Variants in NPAS3 observed in about 807,000 individuals in gnomAD.
NPAS3 encodes neuronal PAS domain protein 3.
Under a neutral mutation model 73.1 loss-of-function variants are expected in NPAS3, and 14 were observed. The observed-to-expected ratio is 0.19, with a 90% CI of 0.13 to 0.30. NPAS3 has a LOEUF of 0.30. Ranked by LOEUF, NPAS3 falls within the 10% of genes least tolerant of loss-of-function variation. The pLI is 1.00. For synonymous variants in NPAS3, 620 were observed against 541.5 expected (o/e 1.14, Z -2.01); for missense variants, 1,096 against 1,250.0 (o/e 0.88, Z 1.86).
At chr14:33,751,785 T>C (rs2061970804) in intron 7 of NPAS3, among the ~76,000 whole-genome samples, 1 of 152,212 alleles carries the variant, frequency 6.6e-6, no homozygotes, top group South Asian at 2.1e-4. Context: ...TATAGCAACC[T>C]TTGTAAACAG....
At chr14:33,170,245 T>C (rs115482434) in intron 2 of NPAS3, among the ~76,000 whole-genome samples, 2,242 of 152,290 alleles carry the variant, frequency 0.015, 50 homozygotes, top group African/African-American at 0.051. Flanking sequence ...ATATTAACAT[T>C]ATGCTGTAGT....
intron 2 of NPAS3, among the ~76,000 whole-genome samples, chr14:33,078,385 G>A (rs1406803137): frequency 6.6e-6 from 1 of 152,062 alleles, no homozygotes; most frequent in Non-Finnish European, 1.5e-5. Context: ...TCTGGGTTTG[G>A]AGAATGCATT....
chr14:33,035,543 CTTG>C (rs1267355753), intron 1 of NPAS3, among the ~76,000 whole-genome samples: 2 of 152,258 alleles, frequency 1.3e-5, no homozygotes, highest in East Asian at 1.9e-4. Context: ...TCAGTAAATA[CTTG>C]TTGTTTATTT....
intron 2 of NPAS3, among the ~76,000 whole-genome samples, chr14:33,141,663 A>C (rs560551124): frequency 1.3e-5 from 2 of 152,326 alleles, no homozygotes; most frequent in East Asian, 3.9e-4. Flanking sequence ...TGGATATACT[A>C]TAATCCTCTA....
At chr14:33,437,097 C>T (rs1270173188) in intron 4 of NPAS3, among the ~76,000 whole-genome samples, 1 of 152,200 alleles carries the variant, frequency 6.6e-6, no homozygotes, top group African/African-American at 2.4e-5. Flanking sequence ...CTAGAGGCTG[C>T]AGTCCATGAC....
intron 1 of NPAS3, among the ~76,000 whole-genome samples, chr14:33,016,746 T>C (rs1036104340): frequency 6.6e-6 from 1 of 152,164 alleles, no homozygotes; most frequent in African/African-American, 2.4e-5. Flanking sequence ...TATTTCTCTG[T>C]AACTCCCCTT....
At chr14:33,307,083 G>A (rs986902219) in intron 3 of NPAS3, among the ~76,000 whole-genome samples, 3 of 152,148 alleles carry the variant, frequency 2.0e-5, no homozygotes, top group Non-Finnish European at 4.4e-5. Context: ...GTGTAACTCC[G>A]TTTGGTGGCT....
At chr14:33,730,123 TA>T (rs1332182182) in intron 6 of NPAS3, among the ~76,000 whole-genome samples, 1 of 152,148 alleles carries the variant, frequency 6.6e-6, no homozygotes, top group African/African-American at 2.4e-5. Flanking sequence ...GATACCTGTA[TA>T]AAAGGAGCCA....
intron 3 of NPAS3, among the ~76,000 whole-genome samples, chr14:33,306,007 T>C (rs572040400): frequency 6.6e-6 from 1 of 152,310 alleles, no homozygotes; most frequent in East Asian, 1.9e-4. Context: ...TTTGGTTTTT[T>C]AGACCAGCAT....
chr14:33,031,297 A>G (rs1274880436), intron 1 of NPAS3, among the ~76,000 whole-genome samples: 1 of 152,214 alleles, frequency 6.6e-6, no homozygotes, highest in African/African-American at 2.4e-5. Context: ...TTCTCGAGTT[A>G]GTTATATGAA....
rs2057844694 is a variant in NPAS3 at position 33,614,267 on chromosome 14, T to A, written c.558+54057T>A. Among the ~76,000 whole-genome samples the A allele has an allele frequency of 2.6e-5, 4 of 152,222 alleles. No homozygotes were observed. The South Asian group carries it at 6.2e-4, about 24-fold the overall frequency. The stretch of plus-strand genomic sequence containing the variant: ...GCTTATTAAGTTATCTTTCTTGATA[T>A]CTCATAGAGGCCCCAAAATAGTTGT... On this transcript the variant is annotated intron_variant, in intron 5 of 11. Transcript: ENST00000356141.
Position 33,626,380 on chromosome 14 carries a change from A to G in NPAS3, c.559-49831A>G, listed in dbSNP as rs182529761. ...TACGTAAATATCCCAAATGTTGAAT[A>G]TATATGAAATTCAGTGCTTCTTGTA... is the stretch of plus-strand genomic sequence containing the variant. On this transcript the variant is annotated intron_variant, in intron 5 of 11. Transcript: ENST00000356141. Among the ~76,000 whole-genome samples, 448 of 152,294 alleles carry G rather than the reference A, an allele frequency of 2.9e-3. 3 individuals are homozygous for G. The highest frequency in any genetic ancestry group is 0.011 in the African/African-American group (437 of 41,566).
At chr14:33,609,009 G>A (rs1244879108) in intron 5 of NPAS3, among the ~76,000 whole-genome samples, 1 of 152,188 alleles carries the variant, frequency 6.6e-6, no homozygotes, top group Non-Finnish European at 1.5e-5. Flanking sequence ...AGTCTCTTCT[G>A]AGACTACAGT....
At chr14:32,951,690 A>G (rs114318371) in intron 1 of NPAS3, among the ~76,000 whole-genome samples, 1,915 of 152,244 alleles carry the variant, frequency 0.013, 38 homozygotes, top group African/African-American at 0.044. Flanking sequence ...TTAACAATGT[A>G]ATATTTGATG....
intron 1 of NPAS3, among the ~76,000 whole-genome samples, chr14:33,018,625 T>A (rs544667919): frequency 6.8e-6 from 1 of 147,222 alleles, no homozygotes; most frequent in African/African-American, 2.6e-5. Flanking sequence ...TTTACTTGAA[T>A]TTTTTAGAAC....
At chr14:33,676,771 G>T (rs1353530873) in intron 6 of NPAS3, among the ~76,000 whole-genome samples, 5 of 152,192 alleles carry the variant, frequency 3.3e-5, no homozygotes, top group Non-Finnish European at 4.4e-5. Context: ...GTAGCTCGTG[G>T]AGAATTAAAA....
intron 4 of NPAS3, among the ~76,000 whole-genome samples, chr14:33,505,427 T>C (rs1292140891): frequency 6.6e-6 from 1 of 152,010 alleles, no homozygotes; most frequent in Non-Finnish European, 1.5e-5. Flanking sequence ...TTCGAAAGTT[T>C]TGAAGAAAGC....
chr14:33,312,395 T>TTG (rs140992867), intron 3 of NPAS3, among the ~76,000 whole-genome samples: 38 of 150,974 alleles, frequency 2.5e-4, no homozygotes, highest in Non-Finnish European at 3.4e-4. Context: ...ACAATTTTTA[T>TTG]TGTGTGTGTG....
chr14:32,943,503 T>G (rs1344091719), intron 1 of NPAS3, among the ~76,000 whole-genome samples: 1 of 152,160 alleles, frequency 6.6e-6, no homozygotes, highest in East Asian at 1.9e-4. Flanking sequence ...GATCCTGGTC[T>G]GGGATTCAGT....
Sources: gnomAD v4.1 joint callset for allele counts (sites outside exome capture counted in the v4.1 genomes callset) on GRCh38, gnomAD v4.1.1 for gene constraint, MANE v1.5 for transcripts, NCBI Gene and HGNC (gene_info 2026-07-23, HGNC 2026-07-21) for gene names.